Variants in POR observed in about 807,000 individuals in gnomAD.
POR encodes the protein NADPH--cytochrome P450 reductase.
POR carries 56 observed loss-of-function variants against 84.0 expected under a neutral mutation model. The observed-to-expected ratio is 0.67, with a 90% confidence interval of 0.54 to 0.83. POR has a LOEUF of 0.83. Among genes scored for constraint, POR ranks in the 40% least tolerant of loss-of-function variants. The pLI, the probability that POR is intolerant of heterozygous loss-of-function variation, is 0.00. For synonymous variants in POR, 414 were observed against 400.5 expected, an observed-to-expected ratio of 1.03 and a Z score of -0.40; for missense variants, 938 against 944.3, an observed-to-expected ratio of 0.99 and a Z score of 0.09.
intron 7 of POR, 86 bp from the exon 8 acceptor site, chr7:75,982,138 G>A (rs1585130381): frequency 1.0e-6 from 1 of 987,010 alleles, no homozygotes; most frequent in East Asian, 2.6e-5. Context: ...CAAAGGCCAT[G>A]CACGGTCTCC....
chr7:75,935,291 G>A (rs1554550658), intron 1 of POR, among the ~76,000 whole-genome samples: 1 of 152,072 alleles, frequency 6.6e-6, no homozygotes, highest in Non-Finnish European at 1.5e-5. Context: ...GGGAGGCCGA[G>A]GTGGGAGTGC....
chr7:75,985,531 G>A (rs1554559012), intron 12 of POR, 48 bp from the exon 13 acceptor site: 2 of 1,478,116 alleles, frequency 1.4e-6, no homozygotes, highest in South Asian at 2.8e-5. Context: ...GCCGGGGCTG[G>A]GCAAGGGCCT....
intron 1 of POR, among the ~76,000 whole-genome samples, chr7:75,925,695 T>C (rs1405717973): frequency 2.6e-5 from 4 of 152,164 alleles, no homozygotes; most frequent in African/African-American, 9.7e-5. Flanking sequence ...ACCAACAAGA[T>C]GAAAGATGAT....
In POR at chr7:75,918,289, G is replaced by C. The variant is rs1554548331; in HGVS notation, c.-5+3110G>C. 3.3e-5 allele frequency among the ~76,000 whole-genome samples: 5 copies of C among 152,248 alleles called. No individual in the cohort carries two copies. In the South Asian group the frequency reaches 8.3e-4, roughly 25 times the overall value. The stretch of plus-strand genomic sequence containing the variant: ...CTGCTGCACTCCAGCCTGGGTGACA[G>C]AGTGAGACTCTGTCTCAGAAAAAAA... On this transcript the variant is annotated intron_variant, in intron 1 of 15. Transcript: ENST00000461988.
At chr7:75,967,361 C>A (rs1554555430) in intron 2 of POR, among the ~76,000 whole-genome samples, 1 of 152,148 alleles carries the variant, frequency 6.6e-6, no homozygotes, top group Non-Finnish European at 1.5e-5. Flanking sequence ...AAACGGAGCC[C>A]ACCTTGCCAG....
intron 2 of POR, chr7:75,968,023 C>T (rs1214683581): frequency 2.2e-6 from 1 of 454,538 alleles, no homozygotes; most frequent in East Asian, 6.9e-5. Context: ...CTGCTGGTGT[C>T]CAGGAGAGAG....
chr7:75,945,239 T>G (rs7792336), intron 1 of POR: 12,187 of 152,154 alleles, frequency 0.08, 1,482 homozygotes, highest in African/African-American at 0.26. Flanking sequence ...AGTTGAGGCT[T>G]CAGTGAACAG....
chr7:75,918,420 A>G (rs1240614248), intron 1 of POR, among the ~76,000 whole-genome samples: 2 of 152,170 alleles, frequency 1.3e-5, no homozygotes, highest in Non-Finnish European at 2.9e-5. Flanking sequence ...GTCAGAGGTC[A>G]CTTACCTGCT....
At chr7:75,952,456 C>T (rs1204780550) in intron 1 of POR, among the ~76,000 whole-genome samples, 4 of 139,836 alleles carry the variant, frequency 2.9e-5, no homozygotes, top group African/African-American at 1.1e-4. Flanking sequence ...GCTGGCCGGG[C>T]GGGGGCTGAC....
intron 3 of POR, among the ~76,000 whole-genome samples, chr7:75,974,184 A>T (rs1788568622): frequency 1.3e-5 from 2 of 152,204 alleles, no homozygotes; most frequent in Admixed American, 1.3e-4. Flanking sequence ...CAACAATGTC[A>T]CTGTGAATAT....
intron 1 of POR, among the ~76,000 whole-genome samples, chr7:75,919,508 G>A (rs902945125): frequency 4.6e-5 from 7 of 151,902 alleles, no homozygotes; most frequent in African/African-American, 1.5e-4. Context: ...CTGGAGCCAC[G>A]TTCATCAGTT....
chr7:75,984,387 C>T (rs1236186698), intron 10 of POR, among the ~76,000 whole-genome samples: 5 of 152,170 alleles, frequency 3.3e-5, no homozygotes, highest in Admixed American at 6.5e-5. Flanking sequence ...GAGCCCACCT[C>T]GCCCCACCCC....
At chr7:75,972,697 T>C in intron 3 of POR, 1 of 599,404 alleles carries the variant, frequency 1.7e-6, no homozygotes, top group Non-Finnish European at 3.0e-6. Context: ...AACCAAAGTC[T>C]AAGAACAGAC....
At chr7:75,972,179 G>A (rs1320782516) in intron 2 of POR, among the ~76,000 whole-genome samples, 2 of 152,178 alleles carry the variant, frequency 1.3e-5, no homozygotes, top group African/African-American at 2.4e-5. Flanking sequence ...AGGCTTTACT[G>A]TAGGGGAAAT....
chr7:75,953,261 T>C (rs1240336687), intron 1 of POR, among the ~76,000 whole-genome samples: 1 of 126,028 alleles, frequency 7.9e-6, no homozygotes, highest in Non-Finnish European at 1.6e-5. Flanking sequence ...TGAGCCGAGA[T>C]GGCAGCAGTA....
chr7:75,961,238 G>C (rs1386299400), intron 2 of POR, among the ~76,000 whole-genome samples: 1 of 148,328 alleles, frequency 6.7e-6, no homozygotes, highest in Admixed American at 6.7e-5. Flanking sequence ...AAAAAAAAAG[G>C]CAGTATCAAA....
intron 2 of POR, among the ~76,000 whole-genome samples, chr7:75,971,629 G>A (rs1390853209): frequency 6.6e-5 from 10 of 152,126 alleles, no homozygotes; most frequent in African/African-American, 2.4e-4. Context: ...CCAAGGTGAG[G>A]GCTGTAGTCC....
intron 2 of POR, among the ~76,000 whole-genome samples, chr7:75,969,370 G>A (rs550015584): frequency 4.1e-4 from 62 of 152,316 alleles, no homozygotes; most frequent in African/African-American, 7.0e-4. Flanking sequence ...AGCCAGGTCC[G>A]CCCTGCCACG....
rs957367428 is a variant in POR at position 75,986,731 on chromosome 7, C to T, written c.*250C>T. The T allele has an allele frequency of 2.0e-4, 121 of 591,420 alleles. 1 individual carries two copies. Among genetic ancestry groups the T allele is most frequent in the African/African-American group, 2.0e-3 (109 of 53,750 alleles). The allele number at this position is 591,420 out of a possible 1,614,324, so 36.6% of individuals were successfully genotyped here. A position where few individuals can be genotyped will look rare whatever the true frequency, so the allele number is the denominator to read the frequency against. On this transcript the variant is annotated 3_prime_UTR_variant, in exon 16 of 16. Transcript: ENST00000461988. ...CATGCCTCTGGAGGCCTCTGGCCCTCGGTGGCTGCACAGAAGGGCTCTTTC... is the reference window on the plus strand; with the variant it reads ...CATGCCTCTGGAGGCCTCTGGCCCTTGGTGGCTGCACAGAAGGGCTCTTTC...
Sources: gnomAD v4.1 joint callset for allele counts (sites outside exome capture counted in the v4.1 genomes callset) on GRCh38, gnomAD v4.1.1 for gene constraint, MANE v1.5 for transcripts, NCBI Gene and HGNC (gene_info 2026-07-23, HGNC 2026-07-21) for gene names.